The following BACH2 variants were observed in gnomAD, a reference collection of about 807,000 sequenced individuals.
BACH2 encodes BACH transcriptional regulator 2.
In BACH2, 5 loss-of-function variants were observed where a neutral mutation model predicts 61.8. That is an observed-to-expected ratio of 0.08 (90% CI 0.04 to 0.17). The LOEUF is 0.17. BACH2 is among the 10% of genes least tolerant of loss of function. The probability of loss-of-function intolerance (pLI) is 1.00; values close to 1 mark genes in which losing one functional copy is unlikely to be tolerated. For synonymous variants in BACH2, 446 were observed against 440.1 expected, an observed-to-expected ratio of 1.01 and a Z score of -0.17; for missense variants, 824 against 1,091.1, an observed-to-expected ratio of 0.76 and a Z score of 3.45.
chr6:89,998,327 C>T (rs1776961208), intron 6 of BACH2, among the ~76,000 whole-genome samples: 1 of 152,294 alleles, frequency 6.6e-6, no homozygotes, highest in Admixed American at 6.5e-5. Context: ...AAACAGCCTT[C>T]GCCAGGCTGC....
At chr6:90,256,481 A>G (rs1297550489) in intron 2 of BACH2, among the ~76,000 whole-genome samples, 2 of 152,210 alleles carry the variant, frequency 1.3e-5, no homozygotes, top group Non-Finnish European at 2.9e-5. Context: ...TACAAGATGG[A>G]AGGAATCTGA....
chr6:90,236,282 A>C (rs1770257439), intron 3 of BACH2, among the ~76,000 whole-genome samples: 1 of 152,246 alleles, frequency 6.6e-6, no homozygotes, highest in African/African-American at 2.4e-5. Context: ...TTTAGAGTTT[A>C]GTGAGGAAGG....
Position 90,019,218 on chromosome 6 carries a change from G to T in BACH2, c.-12-10362C>A, listed in dbSNP as rs139686288. ...TGTGTTCAATTCATAAAAAGTAGGA[G>T]ATTTATAAGGGACATCTCATTTTTC... On this transcript the variant is annotated intron_variant, in intron 5 of 8. Coordinates refer to ENST00000257749, the MANE Select transcript of BACH2 (RefSeq NM_021813.4). Among the ~76,000 whole-genome samples the T allele has an allele frequency of 2.1e-3, 323 of 152,158 alleles. 2 individuals are homozygous for T. Among genetic ancestry groups the T allele is most frequent in the African/African-American group, 7.3e-3 (303 of 41,514 alleles).
intron 4 of BACH2, among the ~76,000 whole-genome samples, chr6:90,109,674 G>C (rs1374146875): frequency 6.6e-6 from 1 of 152,052 alleles, no homozygotes; most frequent in African/African-American, 2.4e-5. Context: ...CTCCAAACCT[G>C]CTTCTTTCCA....
intron 3 of BACH2, among the ~76,000 whole-genome samples, chr6:90,214,602 G>A (rs114855477): frequency 0.011 from 1,628 of 152,178 alleles, 38 homozygotes; most frequent in African/African-American, 0.037. Flanking sequence ...TGGGGCTAGT[G>A]CTTACAACTG....
intron 4 of BACH2, among the ~76,000 whole-genome samples, chr6:90,123,613 A>C (rs1457096440): frequency 6.6e-6 from 1 of 151,440 alleles, no homozygotes; most frequent in Non-Finnish European, 1.5e-5. Flanking sequence ...TACTAAAAAT[A>C]CATAAAATTA....
intron 6 of BACH2, among the ~76,000 whole-genome samples, chr6:89,969,165 T>C (rs1167059168): frequency 1.3e-5 from 2 of 149,124 alleles, no homozygotes; most frequent in African/African-American, 4.9e-5. Context: ...GCGATTCTCC[T>C]GCCTCAGCCT....
At chr6:90,101,296 T>A (rs550180046) in intron 4 of BACH2, among the ~76,000 whole-genome samples, 1 of 152,222 alleles carries the variant, frequency 6.6e-6, no homozygotes, top group Non-Finnish European at 1.5e-5. Flanking sequence ...TGGTGTTATA[T>A]CTAAGAATCC....
chr6:90,033,763 A>T (rs1472073049), intron 5 of BACH2, among the ~76,000 whole-genome samples: 1 of 151,698 alleles, frequency 6.6e-6, no homozygotes, highest in Admixed American at 6.6e-5. Context: ...TCACCTTCTT[A>T]AAAAAAAATC....
At chr6:89,947,836 G>A (rs910150039) in intron 7 of BACH2, among the ~76,000 whole-genome samples, 2 of 152,062 alleles carry the variant, frequency 1.3e-5, no homozygotes, top group Non-Finnish European at 2.9e-5. Flanking sequence ...CTCCCAAAGT[G>A]CTGGCATTAC....
intron 7 of BACH2, among the ~76,000 whole-genome samples, chr6:89,942,371 GAGA>G (rs1254437814): frequency 1.3e-5 from 2 of 152,214 alleles, no homozygotes; most frequent in Non-Finnish European, 2.9e-5. Flanking sequence ...TGAGGAGTCA[GAGA>G]AGGCCAACAG....
intron 3 of BACH2, among the ~76,000 whole-genome samples, chr6:90,234,425 C>G (rs976737078): frequency 6.6e-6 from 1 of 152,178 alleles, no homozygotes; most frequent in African/African-American, 2.4e-5. Flanking sequence ...CCCAAGTGAT[C>G]AAGAACCAGA....
chr6:89,994,897 A>G (rs1043323613), intron 6 of BACH2, among the ~76,000 whole-genome samples: 12 of 152,206 alleles, frequency 7.9e-5, no homozygotes, highest in Admixed American at 6.5e-5. Flanking sequence ...TACTTTGCAC[A>G]CGTTCTCATG....
At chr6:90,163,175 G>C (rs1767459590) in intron 4 of BACH2, among the ~76,000 whole-genome samples, 2 of 152,126 alleles carry the variant, frequency 1.3e-5, no homozygotes, top group South Asian at 2.1e-4. Flanking sequence ...TGGCAGTAGA[G>C]AGTCACATGA....
intron 7 of BACH2, among the ~76,000 whole-genome samples, chr6:89,949,355 A>C (rs1162664126): frequency 1.3e-5 from 2 of 152,150 alleles, no homozygotes; most frequent in Non-Finnish European, 2.9e-5. Context: ...CTTGTCAATC[A>C]GCAAGACAGT....
rs115517791 is a variant in BACH2, at chr6:90,268,301, C to T, written c.-353+3548G>A. Among the ~76,000 whole-genome samples the T allele has an allele frequency of 2.5e-3, 378 of 152,130 alleles. 3 individuals carry two copies. Among genetic ancestry groups the T allele is most frequent in the African/African-American group, 8.6e-3 (358 of 41,508 alleles). On this transcript the variant is annotated intron_variant, in intron 2 of 8. Transcript: ENST00000257749. ...GATTACAGCCATGAACCACTGTACC[C>T]GAACTGCACTTGCCTTTTATACATG...
intron 5 of BACH2, among the ~76,000 whole-genome samples, chr6:90,071,082 C>T (rs1279196073): frequency 1.3e-5 from 2 of 152,146 alleles, no homozygotes; most frequent in Non-Finnish European, 2.9e-5. Flanking sequence ...AACTCCTGGT[C>T]TCAAGCAATC....
intron 5 of BACH2, among the ~76,000 whole-genome samples, chr6:90,073,774 T>A (rs1005551025): frequency 6.6e-6 from 1 of 152,146 alleles, no homozygotes; most frequent in Non-Finnish European, 1.5e-5. Context: ...TAAAGCAAAT[T>A]CAATTAAAAT....
At chr6:90,142,706 G>A (rs1784500565) in intron 4 of BACH2, among the ~76,000 whole-genome samples, 1 of 152,108 alleles carries the variant, frequency 6.6e-6, no homozygotes, top group African/African-American at 2.4e-5. Flanking sequence ...AAAGATTATA[G>A]ACATAAAATC....
Sources: allele counts gnomAD v4.1 joint callset (sites outside exome capture counted in the v4.1 genomes callset), GRCh38; gene constraint gnomAD v4.1.1; transcripts MANE v1.5; gene names NCBI Gene and HGNC (gene_info 2026-07-23, HGNC 2026-07-21).